MAP2: variants seen among roughly 807,000 people sequenced by gnomAD.
MAP2 encodes the protein microtubule-associated protein 2.
A neutral mutation model predicts 137.6 loss-of-function variants in MAP2; 14 were observed. The observed-to-expected ratio is 0.10, with a 90% CI of 0.07 to 0.16. MAP2 has a LOEUF of 0.16. Ranked by LOEUF, MAP2 falls within the 10% of genes least tolerant of loss-of-function variation. MAP2 has a pLI of 1.00. For missense variants in MAP2, 2,088 were observed against 2,191.5 expected (o/e 0.95, Z 0.94); for synonymous variants, 786 against 782.3 (o/e 1.00, Z -0.08).
chr2:209,460,203 T>C (rs531485513), intron 1 of MAP2, among the ~76,000 whole-genome samples: 1 of 152,340 alleles, frequency 6.6e-6, no homozygotes, highest in South Asian at 2.1e-4. Context: ...ATTCTGGAAT[T>C]ATCGTTTTCA....
At chr2:209,535,039 A>G (rs1387504214) in intron 2 of MAP2, among the ~76,000 whole-genome samples, 1 of 152,112 alleles carries the variant, frequency 6.6e-6, no homozygotes, top group Non-Finnish European at 1.5e-5. Flanking sequence ...AAGAAATCCC[A>G]TAGTGTCCTC....
chr2:209,692,569 T>A, intron 7 of MAP2, 56 bp from the exon 8 acceptor site: 1 of 1,504,894 alleles, frequency 6.6e-7, no homozygotes, highest in Non-Finnish European at 8.9e-7. Context: ...ATTTTAAGCT[T>A]ATTTCCTGAA....
At chr2:209,547,121 G>T (rs1248973407) in intron 2 of MAP2, among the ~76,000 whole-genome samples, 2 of 151,860 alleles carry the variant, frequency 1.3e-5, no homozygotes, top group Non-Finnish European at 2.9e-5. Flanking sequence ...CCATAAACTG[G>T]CATTGATGCG....
intron 12 of MAP2, among the ~76,000 whole-genome samples, chr2:209,706,000 A>C (rs1484708900): frequency 1.3e-5 from 2 of 152,176 alleles, no homozygotes; most frequent in Non-Finnish European, 2.9e-5. Flanking sequence ...TTTTGCTTCA[A>C]ATTTAGAGCA....
At chr2:209,509,753 G>C (rs1481065869) in intron 2 of MAP2, among the ~76,000 whole-genome samples, 1 of 151,806 alleles carries the variant, frequency 6.6e-6, no homozygotes, top group East Asian at 1.9e-4. Flanking sequence ...TGTTAGCTGA[G>C]CAAAATAACT....
In MAP2 at chr2:209,693,973, T is replaced by C; in HGVS notation, c.1803T>C (p.Ser601=). The C allele has an allele frequency of 6.2e-7, 1 of 1,613,874 alleles. No individual in the cohort carries two copies. Among genetic ancestry groups the C allele is most frequent in the Non-Finnish European group, 8.5e-7 (1 of 1,179,956 alleles). The part of the protein sequence containing the change: ...DYYELSDTRE[S]VHESIDTMSP... ...ATGAACTGAGTGACACTAGAGAAAGTGTCCATGAGTCTATTGATACCATGT... is the reference window on the plus strand; with the variant it reads ...ATGAACTGAGTGACACTAGAGAAAGCGTCCATGAGTCTATTGATACCATGT... Residue 601 remains serine, a synonymous_variant, in exon 8 of 16, where the codon AGT becomes AGC. Coordinates refer to ENST00000682079, the MANE Select transcript of MAP2 (RefSeq NM_001375505.1).
intron 4 of MAP2, among the ~76,000 whole-genome samples, chr2:209,634,482 TGGAAG>T (rs2093383205): frequency 6.6e-6 from 1 of 151,908 alleles, no homozygotes; most frequent in Non-Finnish European, 1.5e-5. Flanking sequence ...ATCCAGCGAG[TGGAAG>T]GGAAAAGACC....
At chr2:209,485,938 T>A (rs1250346447) in intron 1 of MAP2, among the ~76,000 whole-genome samples, 1 of 152,228 alleles carries the variant, frequency 6.6e-6, no homozygotes, top group East Asian at 1.9e-4. Flanking sequence ...TTTCAGCTTC[T>A]GCTTCTTTCT....
chr2:209,610,272 A>G (rs879508233), intron 3 of MAP2, among the ~76,000 whole-genome samples: 7 of 152,040 alleles, frequency 4.6e-5, no homozygotes, highest in Non-Finnish European at 7.4e-5. Context: ...AGGTAACAGG[A>G]GAGGAGAGGG....
intron 1 of MAP2, among the ~76,000 whole-genome samples, chr2:209,454,082 C>T (rs1004987884): frequency 2.2e-5 from 3 of 133,886 alleles, no homozygotes; most frequent in South Asian, 5.1e-4. Flanking sequence ...ACCTGGGAGG[C>T]GGAGCTTGCA....
intron 1 of MAP2, among the ~76,000 whole-genome samples, chr2:209,495,956 G>A (rs2059701019): frequency 6.6e-6 from 1 of 152,166 alleles, no homozygotes; most frequent in South Asian, 2.1e-4. Flanking sequence ...CAGCAAATGG[G>A]TGAAATAGTT....
At chr2:209,504,098 GAAA>G (rs770236091) in intron 1 of MAP2, among the ~76,000 whole-genome samples, 2 of 134,010 alleles carry the variant, frequency 1.5e-5, no homozygotes, top group Middle Eastern at 4.1e-3. Context: ...CCTGTCTCTG[GAAA>G]AAAAAAAAAA....
At chr2:209,435,998 T>TATATATA (rs1696052679) in intron 1 of MAP2, among the ~76,000 whole-genome samples, 2 of 88,806 alleles carry the variant, frequency 2.3e-5, no homozygotes, top group Non-Finnish European at 4.0e-5. Flanking sequence ...TATTATATAC[T>TATATATA]ATATATACAG....
intron 3 of MAP2, among the ~76,000 whole-genome samples, chr2:209,589,405 C>T (rs1354715039): frequency 6.6e-6 from 1 of 152,164 alleles, no homozygotes; most frequent in South Asian, 2.1e-4. Flanking sequence ...TTACTTCCTA[C>T]TACTATGAAG....
Position 209,696,090 on chromosome 2 carries a change from A to G in MAP2, c.3920A>G (p.His1307Arg). ...ACTGATGAAGGGGAGTCAGGGTCCC[A>G]CAGCGTGCGTTTTGCAGCCCTAGAG... The part of the protein sequence containing the change: ...TTTDEGESGS[H>R]SVRFAALEQP... Residue 1307 changes from histidine to arginine, a missense_variant, in exon 8 of 16, where the codon CAC (histidine) becomes CGC (arginine). Physicochemically the swap from His to Arg is conservative, Grantham distance 29. Transcript: ENST00000682079. 6.2e-7 allele frequency: 1 copy of G among 1,614,070 alleles called. No homozygotes were observed. The highest frequency in any genetic ancestry group is 1.1e-5 in the South Asian group (1 of 91,072).
chr2:209,432,632 A>G (rs1223848617), intron 1 of MAP2, among the ~76,000 whole-genome samples: 1 of 152,178 alleles, frequency 6.6e-6, no homozygotes, highest in Non-Finnish European at 1.5e-5. Flanking sequence ...TCCGTGTAAT[A>G]TGTCTTAATT....
rs2094868905 is a variant in MAP2, at chr2:209,652,445, C to CA, written c.-29-690dup. Among the ~76,000 whole-genome samples the CA allele has an allele frequency of 2.0e-5, 3 of 151,908 alleles. No individual in the cohort carries two copies. In the South Asian group the frequency reaches 6.2e-4, roughly 32 times the overall value. ...ATAGATAGGGTCCAGGAAAGTTTAT[C>CA]AAAAAAATTAAGTTAAAGCTATCTT... On this transcript the variant is annotated intron_variant, in intron 4 of 15. Coordinates refer to ENST00000682079, the MANE Select transcript of MAP2 (RefSeq NM_001375505.1).
At chr2:209,513,834 G>A (rs909473985) in intron 2 of MAP2, among the ~76,000 whole-genome samples, 11 of 152,016 alleles carry the variant, frequency 7.2e-5, no homozygotes, top group Admixed American at 3.3e-4. Context: ...GGGATAGCAA[G>A]TTTGTCTGCC....
At chr2:209,528,742 ATATATGTACATATGTATGTATATATG>A (rs1433437148) in intron 2 of MAP2, among the ~76,000 whole-genome samples, 21 of 145,938 alleles carry the variant, frequency 1.4e-4, no homozygotes, top group Non-Finnish European at 2.5e-4. Flanking sequence ...ATATACATGT[ATATATGTACATATGTATGTATATATG>A]TATATGTACA....
Sources: gnomAD v4.1 joint callset for allele counts (sites outside exome capture counted in the v4.1 genomes callset) on GRCh38, gnomAD v4.1.1 for gene constraint, MANE v1.5 for transcripts, NCBI Gene and HGNC (gene_info 2026-07-23, HGNC 2026-07-21) for gene names.